The following SMYD3 variants were observed in gnomAD, a reference collection of about 807,000 sequenced individuals.
The protein encoded by SMYD3 is histone-lysine N-methyltransferase SMYD3.
Under a neutral mutation model 57.7 loss-of-function variants are expected in SMYD3, and 36 were observed. The ratio of observed to expected loss-of-function variants is 0.62; its 90% CI spans 0.48 to 0.82. SMYD3 has a LOEUF of 0.82. Ranked by LOEUF, SMYD3 falls within the 40% of genes least tolerant of loss-of-function variation. The probability of loss-of-function intolerance (pLI) is 0.00; values close to 1 mark genes in which losing one functional copy is unlikely to be tolerated. For synonymous variants in SMYD3, 211 were observed against 195.0 expected (o/e 1.08, Z -0.68); for missense variants, 515 against 538.8 (o/e 0.96, Z 0.44).
chr1:245,894,325 G>A (rs1350174981), intron 8 of SMYD3, among the ~76,000 whole-genome samples: 1 of 151,670 alleles, frequency 6.6e-6, no homozygotes, highest in East Asian at 1.9e-4. Context: ...GAACCTATCA[G>A]CACTCTGTAA....
chr1:246,419,031 T>C (rs1004014588), intron 1 of SMYD3, among the ~76,000 whole-genome samples: 2 of 152,282 alleles, frequency 1.3e-5, no homozygotes, highest in South Asian at 4.1e-4. Context: ...CTCCCCGCCC[T>C]TGCGATAATG....
intron 2 of SMYD3, among the ~76,000 whole-genome samples, chr1:246,346,146 T>A (rs966329640): frequency 6.6e-6 from 1 of 152,072 alleles, no homozygotes; most frequent in Non-Finnish European, 1.5e-5. Flanking sequence ...TAGCCGGGCG[T>A]GGTGGCGGGC....
intron 5 of SMYD3, among the ~76,000 whole-genome samples, chr1:245,967,157 A>T (rs1413676885): frequency 6.6e-6 from 1 of 152,172 alleles, no homozygotes; most frequent in Non-Finnish European, 1.5e-5. Context: ...AAGAGGTAGA[A>T]ATCTCTCTAT....
At chr1:246,504,001 T>C (rs10218665) in intron 1 of SMYD3, among the ~76,000 whole-genome samples, 8,076 of 151,156 alleles carry the variant, frequency 0.053, 697 homozygotes, top group African/African-American at 0.19. Flanking sequence ...TATAATTTCA[T>C]TGCCATTTAC....
intron 5 of SMYD3, among the ~76,000 whole-genome samples, chr1:245,994,047 A>T (rs1000391486): frequency 6.6e-6 from 1 of 152,206 alleles, no homozygotes; most frequent in African/African-American, 2.4e-5. Flanking sequence ...GTAGGAAGAA[A>T]TCCAAAAGGA....
chr1:245,982,408 T>C (rs2058616430), intron 5 of SMYD3, among the ~76,000 whole-genome samples: 1 of 152,232 alleles, frequency 6.6e-6, no homozygotes, highest in Non-Finnish European at 1.5e-5. Context: ...ATTACAGATG[T>C]CAGTCACTAC....
chr1:246,492,690 A>G (rs2068290180), intron 1 of SMYD3, among the ~76,000 whole-genome samples: 1 of 152,254 alleles, frequency 6.6e-6, no homozygotes, highest in Non-Finnish European at 1.5e-5. Context: ...CTTTCAATCT[A>G]TGATCCTCTG....
chr1:246,056,707 A>G (rs149789354), intron 5 of SMYD3, among the ~76,000 whole-genome samples: 167 of 143,568 alleles, frequency 1.2e-3, no homozygotes, highest in Non-Finnish European at 4.6e-4. Context: ...TGATTTGATC[A>G]TTATGCATTA....
intron 5 of SMYD3, among the ~76,000 whole-genome samples, chr1:246,223,477 C>T (rs1403112731): frequency 3.3e-5 from 5 of 152,112 alleles, no homozygotes; most frequent in Admixed American, 2.0e-4. Context: ...CTCCATAATT[C>T]TAGTTTCTTG....
intron 1 of SMYD3, among the ~76,000 whole-genome samples, chr1:246,438,739 G>A (rs947037262): frequency 2.0e-5 from 3 of 151,770 alleles, no homozygotes; most frequent in Non-Finnish European, 2.9e-5. Flanking sequence ...GGCGGGGGGC[G>A]GAGTGGGGAT....
intron 5 of SMYD3, among the ~76,000 whole-genome samples, chr1:246,244,110 C>T (rs2063664926): frequency 6.6e-6 from 1 of 151,628 alleles, no homozygotes; most frequent in Non-Finnish European, 1.5e-5. Flanking sequence ...ACATGGGAAA[C>T]TGTCACAAAG....
At chr1:245,828,052 G>A (rs1446549405) in intron 10 of SMYD3, among the ~76,000 whole-genome samples, 1 of 151,912 alleles carries the variant, frequency 6.6e-6, no homozygotes, top group African/African-American at 2.4e-5. Flanking sequence ...TATTTCCATA[G>A]GGAAAAAAAG....
intron 8 of SMYD3, among the ~76,000 whole-genome samples, chr1:245,878,358 G>A (rs1185008580): frequency 6.6e-6 from 1 of 152,166 alleles, no homozygotes; most frequent in Non-Finnish European, 1.5e-5. Flanking sequence ...CCAACAGATG[G>A]GGCAGCAAGG....
chr1:245,963,750 G>A (rs1017715768), intron 5 of SMYD3, among the ~76,000 whole-genome samples: 1 of 152,156 alleles, frequency 6.6e-6, no homozygotes, highest in African/African-American at 2.4e-5. Context: ...ACCCTAACTT[G>A]CTGGGGCTTT....
intron 5 of SMYD3, among the ~76,000 whole-genome samples, chr1:245,974,261 C>T (rs974197361): frequency 6.6e-6 from 1 of 152,208 alleles, no homozygotes; most frequent in African/African-American, 2.4e-5. Context: ...CCCAAACCTA[C>T]TCCTTAGATG....
intron 5 of SMYD3, among the ~76,000 whole-genome samples, chr1:246,053,702 C>T (rs950021799): frequency 6.6e-6 from 1 of 151,938 alleles, no homozygotes; most frequent in African/African-American, 2.4e-5. Context: ...TGTATTCCTG[C>T]TACTCGAGAG....
chr1:246,071,828 G>C (rs1209965513), intron 5 of SMYD3, among the ~76,000 whole-genome samples: 557 of 124,762 alleles, frequency 4.5e-3, no homozygotes, highest in African/African-American at 0.018. Flanking sequence ...TGCTCACTGT[G>C]GATGCTTCCT....
intron 8 of SMYD3, among the ~76,000 whole-genome samples, chr1:245,907,972 C>G (rs1200276023): frequency 1.3e-5 from 2 of 152,014 alleles, no homozygotes; most frequent in Admixed American, 6.6e-5. Flanking sequence ...CCTGTCTCTA[C>G]TAAAAATATA....
intron 10 of SMYD3, among the ~76,000 whole-genome samples, chr1:245,766,794 T>G (rs1558315234): frequency 6.6e-6 from 1 of 152,214 alleles, no homozygotes; most frequent in Non-Finnish European, 1.5e-5. Context: ...AATCTTCAGT[T>G]CTACGATGGC....
Sources: allele counts gnomAD v4.1 joint callset (sites outside exome capture counted in the v4.1 genomes callset), GRCh38; gene constraint gnomAD v4.1.1; transcripts MANE v1.5; gene names NCBI Gene and HGNC (gene_info 2026-07-23, HGNC 2026-07-21).